The following ARHGEF10L variants were observed in gnomAD, a reference collection of about 807,000 sequenced individuals.
The protein encoded by ARHGEF10L is Rho guanine nucleotide exchange factor 10 like.
A neutral mutation model predicts 141.2 loss-of-function variants in ARHGEF10L; 69 were observed. The ratio of observed to expected loss-of-function variants is 0.49; its 90% CI spans 0.40 to 0.60. The LOEUF (loss-of-function observed/expected upper bound fraction) is 0.60, where lower values mean the gene tolerates loss of function less well. Among genes scored for constraint, ARHGEF10L ranks in the 20% least tolerant of loss-of-function variants. The pLI, the probability that ARHGEF10L is intolerant of heterozygous loss-of-function variation, is 0.00. For missense variants in ARHGEF10L, 1,482 were observed against 1,734.3 expected (o/e 0.85, Z 2.58); for synonymous variants, 711 against 718.5 (o/e 0.99, Z 0.17).
Position 17,577,170 on chromosome 1 carries a change from G to A in ARHGEF10L, c.-43-3383G>A, listed in dbSNP as rs182226496. Reference sequence around the variant, plus strand: ...AGTGATTCTCCTGCTTCAGCTTCTCGAGTAGCTGGGACTACAGGCATGTGC... The same window carrying A: ...AGTGATTCTCCTGCTTCAGCTTCTCAAGTAGCTGGGACTACAGGCATGTGC... On this transcript the variant is annotated intron_variant, in intron 1 of 28. Transcript: ENST00000361221. Among the ~76,000 whole-genome samples the A allele has an allele frequency of 3.8e-3, 581 of 152,158 alleles. 4 individuals are homozygous for A. Among genetic ancestry groups the A allele is most frequent in the African/African-American group, 0.013 (550 of 41,490 alleles).
At chr1:17,655,432 C>G (rs2062169968) in intron 23 of ARHGEF10L, among the ~76,000 whole-genome samples, 1 of 147,510 alleles carries the variant, frequency 6.8e-6, no homozygotes, top group Admixed American at 6.9e-5. Context: ...ATCTGTCTAT[C>G]ATCTGTCCAT....
chr1:17,603,516 T>C lies in ARHGEF10L; in HGVS notation c.358T>C (p.Phe120Leu). 6.2e-7 allele frequency: 1 copy of C among 1,613,554 alleles called. No homozygotes were observed. The highest frequency in any genetic ancestry group is 8.5e-7 in the Non-Finnish European group (1 of 1,179,746). The stretch of plus-strand genomic sequence containing the variant: ...CCCCACTTCCCTCCCAGTTGACCGG[T>C]TCACTTTCCCCGCCCTGGAAGAGGA... ...KRKSSRRIDRFTFPALEEDVI... is the reference protein window; with the variant it reads ...KRKSSRRIDRLTFPALEEDVI... The change falls in exon 6 of 29, where the codon TTC becomes CTC. Residue 120 changes from phenylalanine to leucine, a missense_variant. By Grantham distance (22) the Phe-to-Leu change is conservative (BLOSUM62 0). Transcript: ENST00000361221. The surrounding 1 kb of genome is among the most constrained non-coding windows in gnomAD (Gnocchi z 4.8).
At position 17,673,007 on chromosome 1, in the gene ARHGEF10L, C is replaced by T. The variant is rs578172414; in HGVS notation, c.3009+8412C>T. 6.6e-6 allele frequency among the ~76,000 whole-genome samples: 1 copy of T among 152,214 alleles called. No individual in the cohort carries two copies. Among genetic ancestry groups the T allele is most frequent in the Non-Finnish European group, 1.5e-5 (1 of 68,040 alleles). ...TTCCTGTGTCTAGCACTTGGATTCC[C>T]CCCAACCAGAAGATTTAGGTGATGA... On this transcript the variant is annotated intron_variant, in intron 26 of 28. Transcript: ENST00000361221. This position sits in a 1 kb window ranked among gnomAD's most constrained non-coding sequence, Gnocchi z 4.1.
intron 22 of ARHGEF10L, among the ~76,000 whole-genome samples, chr1:17,653,710 C>T (rs2062067797): frequency 6.6e-6 from 1 of 152,222 alleles, no homozygotes; most frequent in South Asian, 2.1e-4. Flanking sequence ...AAAATTCAAC[C>T]AGAATAGAAA....
intron 25 of ARHGEF10L, among the ~76,000 whole-genome samples, chr1:17,657,912 G>C (rs778414077): frequency 4.6e-5 from 7 of 152,236 alleles, no homozygotes. Flanking sequence ...CGATTCACCA[G>C]TTTGGGCACC....
chr1:17,683,425 G>A lies in ARHGEF10L; in HGVS notation c.3010-4148G>A, dbSNP rs78719410. Reference sequence around the variant, plus strand: ...TGCTCACTGCCTCCTGCTCTCACCCGGGTGCTCACTGCCCCCTGCTCTCAC... The same window carrying A: ...TGCTCACTGCCTCCTGCTCTCACCCAGGTGCTCACTGCCCCCTGCTCTCAC... On this transcript the variant is annotated intron_variant, in intron 26 of 28. Transcript: ENST00000361221. 2.2e-4 allele frequency among the ~76,000 whole-genome samples: 24 copies of A among 109,512 alleles called. 3 individuals carry two copies. The highest frequency in any genetic ancestry group is 7.6e-4 in the Admixed American group (9 of 11,814). The allele number at this position is 109,512 out of a possible 152,430, so 71.8% of individuals were successfully genotyped here.
chr1:17,563,632 T>A (rs2077632564), intron 1 of ARHGEF10L, among the ~76,000 whole-genome samples: 1 of 152,098 alleles, frequency 6.6e-6, no homozygotes, highest in South Asian at 2.1e-4. Context: ...AATGAATGAA[T>A]GGTTGGATGA....
At chr1:17,672,472 C>T (rs1393378310) in intron 26 of ARHGEF10L, among the ~76,000 whole-genome samples, 1 of 152,120 alleles carries the variant, frequency 6.6e-6, no homozygotes, top group Non-Finnish European at 1.5e-5. Context: ...CAGGAGCTGC[C>T]GAGGAGGAGC....
chr1:17,565,984 A>C (rs2100267646), intron 1 of ARHGEF10L, among the ~76,000 whole-genome samples: 1 of 152,176 alleles, frequency 6.6e-6, no homozygotes, highest in Middle Eastern at 3.4e-3. Flanking sequence ...AAAAACAAGT[A>C]CTGTAGCAGA....
At chr1:17,585,253 A>T (rs2078927349) in intron 2 of ARHGEF10L, among the ~76,000 whole-genome samples, 1 of 152,194 alleles carries the variant, frequency 6.6e-6, no homozygotes, top group African/African-American at 2.4e-5. Context: ...CTGAGGGCTT[A>T]GTAGAAGAGT....
chr1:17,578,408 G>T (rs886766549), intron 1 of ARHGEF10L, among the ~76,000 whole-genome samples: 4 of 152,266 alleles, frequency 2.6e-5, no homozygotes, highest in African/African-American at 9.6e-5. Flanking sequence ...AATGCAGGCA[G>T]GTGTCAGGGT....
chr1:17,680,598 T>C (rs2064047064), intron 26 of ARHGEF10L, among the ~76,000 whole-genome samples: 1 of 152,098 alleles, frequency 6.6e-6, no homozygotes, highest in African/African-American at 2.4e-5. Context: ...AGTGCGCCAA[T>C]GCTCTCCCTG....
At chr1:17,686,073 G>T (rs1316235720) in intron 26 of ARHGEF10L, among the ~76,000 whole-genome samples, 1 of 145,926 alleles carries the variant, frequency 6.9e-6, no homozygotes, top group Non-Finnish European at 1.5e-5. Context: ...GTTTTGTTTT[G>T]TTTTTTTTCT....
rs535080596 is a variant in ARHGEF10L, at chr1:17,641,736, T to C, written c.2272+1434T>C. On this transcript the variant is annotated intron_variant, in intron 21 of 28. Transcript: ENST00000361221. ...GCTCGCGCCTGTAATCCTAGCACTT[T>C]GGGAGGCCGAGGCGGGCAGATCACC... Among the ~76,000 whole-genome samples the C allele has an allele frequency of 9.2e-5, 14 of 152,110 alleles. No homozygotes were observed. In the East Asian group the frequency reaches 2.1e-3, roughly 23 times the overall value.
chr1:17,690,629 G>A lies in ARHGEF10L; in HGVS notation c.3184+2882G>A, dbSNP rs531659371. 1.4e-4 allele frequency among the ~76,000 whole-genome samples: 22 copies of A among 152,330 alleles called. No homozygotes were observed. The South Asian group carries it at 3.9e-3, about 27-fold the overall frequency. On this transcript the variant is annotated intron_variant, in intron 27 of 28. Coordinates refer to ENST00000361221, the MANE Select transcript of ARHGEF10L (RefSeq NM_018125.4). ...CCCTGGAGAAGGCTGGATGTAGGCC[G>A]AGGTTCCAGAGTGTGGGGTTTCCCG...
upstream of ARHGEF10L, among the ~76,000 whole-genome samples, chr1:17,539,219 G>T (rs990839251): frequency 2.0e-5 from 3 of 152,234 alleles, no homozygotes; most frequent in Non-Finnish European, 2.9e-5. The surrounding 1 kb of genome is among the most constrained non-coding windows in gnomAD (Gnocchi z 6.0). Flanking sequence ...TTGCCATGGC[G>T]GGGGTGGGGG....
chr1:17,582,821 C>T (rs997896959), intron 2 of ARHGEF10L, among the ~76,000 whole-genome samples: 8 of 152,128 alleles, frequency 5.3e-5, no homozygotes, highest in Non-Finnish European at 1.2e-4. Context: ...CACAGTCACC[C>T]ACCCCGAACC....
At chr1:17,681,275 G>A (rs2064110381) in intron 26 of ARHGEF10L, among the ~76,000 whole-genome samples, 1 of 152,164 alleles carries the variant, frequency 6.6e-6, no homozygotes, top group South Asian at 2.1e-4. Context: ...ACTTCGGCAT[G>A]TCTCTTCAAC....
intron 6 of ARHGEF10L, among the ~76,000 whole-genome samples, chr1:17,606,860 G>T (rs1166000154): frequency 6.6e-6 from 1 of 152,164 alleles, no homozygotes; most frequent in Non-Finnish European, 1.5e-5. Context: ...CCCACCTCAG[G>T]CTTCAAGTGG....
Sources: allele counts gnomAD v4.1 joint callset (sites outside exome capture counted in the v4.1 genomes callset), GRCh38; gene constraint gnomAD v4.1.1; non-coding constraint Gnocchi (gnomAD v3.1); transcripts MANE v1.5; gene names NCBI Gene and HGNC (gene_info 2026-07-23, HGNC 2026-07-21).